Variants in ACOXL observed in about 807,000 individuals in gnomAD.
The protein encoded by ACOXL is acyl-coenzyme A oxidase-like protein.
Under a neutral mutation model 71.9 loss-of-function variants are expected in ACOXL, and 70 were observed. That is an observed-to-expected ratio of 0.97 (90% CI 0.80 to 1.19). The LOEUF (loss-of-function observed/expected upper bound fraction) is 1.19, where lower values mean the gene tolerates loss of function less well. Among genes scored for constraint, ACOXL ranks in the 50% most tolerant of loss-of-function variants. ACOXL has a pLI of 0.00. For synonymous variants in ACOXL, 253 were observed against 281.6 expected (o/e 0.90, Z 1.02); for missense variants, 703 against 736.3 (o/e 0.95, Z 0.52).
rs771175676 is a variant in ACOXL at position 110,768,348 on chromosome 2, T to A, written c.-22-20T>A. On this transcript the variant is annotated intron_variant, in intron 1 of 17. Coordinates refer to ENST00000439055, the MANE Select transcript of ACOXL (RefSeq NM_001142807.4). ...AGTCACCAATTATTGGCTGTCTTAT[T>A]TTGTATCTGTTCTTCACAGGTATGA... 6.2e-7 allele frequency: 1 copy of A among 1,603,786 alleles called. No homozygotes were observed. The highest frequency in any genetic ancestry group is 2.2e-5 in the East Asian group (1 of 44,786).
chr2:110,884,192 T>C (rs921074153), intron 10 of ACOXL, among the ~76,000 whole-genome samples: 2 of 152,232 alleles, frequency 1.3e-5, no homozygotes, highest in Admixed American at 1.3e-4. Context: ...CAAATGTTTT[T>C]ATACTAGGTC....
chr2:110,752,400 C>CT (rs1679105370), intron 1 of ACOXL, among the ~76,000 whole-genome samples: 1 of 151,962 alleles, frequency 6.6e-6, no homozygotes, highest in African/African-American at 2.4e-5. Flanking sequence ...AGGAGGATCG[C>CT]TTGAGGCCTG....
chr2:111,058,017 T>G (rs1168820227), intron 16 of ACOXL, among the ~76,000 whole-genome samples: 1 of 152,220 alleles, frequency 6.6e-6, no homozygotes, highest in Admixed American at 6.5e-5. Context: ...TGATCTGTTC[T>G]CCATTTCCTC....
chr2:110,845,117 G>A (rs962362920), intron 10 of ACOXL, among the ~76,000 whole-genome samples: 1 of 152,210 alleles, frequency 6.6e-6, no homozygotes, highest in Non-Finnish European at 1.5e-5. Context: ...ATAAAGAACA[G>A]AAATTTATTT....
chr2:111,107,540 G>C (rs1362085344), intron 17 of ACOXL, among the ~76,000 whole-genome samples: 1 of 152,208 alleles, frequency 6.6e-6, no homozygotes, highest in Non-Finnish European at 1.5e-5. Flanking sequence ...CCAGGCTGGA[G>C]TGCAATGGCA....
chr2:111,093,007 C>T lies in ACOXL; in HGVS notation c.1542+41C>T, dbSNP rs573123559. On this transcript the variant is annotated intron_variant, in intron 17 of 17. Transcript: ENST00000439055. ...TACAGAAAAACACTTTGTACATCAG[C>T]CCTGGTCTCCTTGCTTTCTTAGAAA... 448 of 1,497,712 alleles carry T rather than the reference C, an allele frequency of 3.0e-4. 5 individuals are homozygous for T. The South Asian group carries it at 4.9e-3, about 16-fold the overall frequency. 92.8% of individuals were successfully genotyped at this position (1,497,712 alleles called of 1,614,324 possible).
intron 9 of ACOXL, among the ~76,000 whole-genome samples, chr2:110,824,185 G>A (rs1688924400): frequency 6.6e-6 from 1 of 152,098 alleles, no homozygotes; most frequent in Admixed American, 6.5e-5. Flanking sequence ...ATTTATGTGG[G>A]GATATTTCTG....
intron 10 of ACOXL, among the ~76,000 whole-genome samples, chr2:110,860,262 C>T (rs1693780368): frequency 6.6e-6 from 1 of 152,154 alleles, no homozygotes; most frequent in African/African-American, 2.4e-5. Flanking sequence ...AGGCACCTGC[C>T]ACCACACCTG....
intron 10 of ACOXL, among the ~76,000 whole-genome samples, chr2:110,889,694 A>G (rs978767498): frequency 2.0e-5 from 3 of 152,216 alleles, no homozygotes; most frequent in African/African-American, 7.2e-5. Context: ...TATATTCCAA[A>G]TAGTATTCCT....
chr2:110,893,366 AATT>A (rs3059188), intron 10 of ACOXL, among the ~76,000 whole-genome samples: 47,161 of 151,808 alleles, frequency 0.31, 7,643 homozygotes, highest in Middle Eastern at 0.37. Context: ...AAGATAGAAA[AATT>A]ATTAATAATC....
intron 1 of ACOXL, among the ~76,000 whole-genome samples, chr2:110,738,085 A>G (rs962516355): frequency 1.3e-5 from 2 of 152,178 alleles, no homozygotes; most frequent in African/African-American, 4.8e-5. Context: ...CTGAGCTTCC[A>G]TTTAAAAAGT....
chr2:110,952,889 G>T (rs2061376819), intron 12 of ACOXL, among the ~76,000 whole-genome samples: 2 of 151,870 alleles, frequency 1.3e-5, no homozygotes, highest in South Asian at 2.1e-4. Flanking sequence ...TGCTGCTTTG[G>T]TCATATCAAC....
intron 9 of ACOXL, among the ~76,000 whole-genome samples, chr2:110,830,600 C>T (rs1212402520): frequency 1.3e-5 from 2 of 151,852 alleles, no homozygotes; most frequent in Non-Finnish European, 2.9e-5. Flanking sequence ...GTGGCGCAAT[C>T]TCGGCTCACT....
At chr2:110,740,346 C>A (rs947118982) in intron 1 of ACOXL, among the ~76,000 whole-genome samples, 9 of 152,050 alleles carry the variant, frequency 5.9e-5, no homozygotes, top group African/African-American at 2.2e-4. Context: ...CAGTGTTCAT[C>A]TCTTCATCAT....
chr2:111,060,151 G>C (rs532473652), intron 16 of ACOXL, among the ~76,000 whole-genome samples: 1 of 152,292 alleles, frequency 6.6e-6, no homozygotes, highest in South Asian at 2.1e-4. Flanking sequence ...CCACTTGGCA[G>C]TAATGAGGCC....
intron 14 of ACOXL, among the ~76,000 whole-genome samples, chr2:111,027,217 T>C (rs1364904869): frequency 1.3e-5 from 2 of 151,432 alleles, no homozygotes; most frequent in Admixed American, 1.3e-4. Context: ...TAAACCCTTC[T>C]TATATAGGGG....
At chr2:110,875,415 C>T (rs1695783196) in intron 10 of ACOXL, among the ~76,000 whole-genome samples, 1 of 152,200 alleles carries the variant, frequency 6.6e-6, no homozygotes, top group South Asian at 2.1e-4. Context: ...TAAGACTCTC[C>T]TCTTTACGCC....
chr2:110,941,831 G>A (rs2060879915), intron 12 of ACOXL, among the ~76,000 whole-genome samples: 1 of 152,048 alleles, frequency 6.6e-6, no homozygotes, highest in Non-Finnish European at 1.5e-5. Context: ...AAATTCTTCA[G>A]GCAGAAGGAA....
intron 10 of ACOXL, among the ~76,000 whole-genome samples, chr2:110,846,369 A>T (rs772092802): frequency 2.6e-5 from 4 of 152,114 alleles, no homozygotes; most frequent in Non-Finnish European, 5.9e-5. Flanking sequence ...AAGGCGATGA[A>T]TGTGCAGAGG....
Sources: gnomAD v4.1 joint callset for allele counts (sites outside exome capture counted in the v4.1 genomes callset) on GRCh38, gnomAD v4.1.1 for gene constraint, MANE v1.5 for transcripts, NCBI Gene and HGNC (gene_info 2026-07-23, HGNC 2026-07-21) for gene names.